FLT1: variants seen among roughly 807,000 people sequenced by gnomAD.
FLT1 encodes the protein vascular endothelial growth factor receptor 1.
A neutral mutation model predicts 156.3 loss-of-function variants in FLT1; 49 were observed. That is an observed-to-expected ratio of 0.31 (90% CI 0.25 to 0.40). FLT1 has a LOEUF of 0.40. Ranked by LOEUF, FLT1 falls within the 10% of genes least tolerant of loss-of-function variation. The probability of loss-of-function intolerance (pLI) is 1.00; values close to 1 mark genes in which losing one functional copy is unlikely to be tolerated. For synonymous variants in FLT1, 594 were observed against 583.8 expected (o/e 1.02, Z -0.25); for missense variants, 1,322 against 1,637.2 (o/e 0.81, Z 3.32).
At chr13:28,484,061 C>T (rs1263841887) in intron 1 of FLT1, among the ~76,000 whole-genome samples, 1 of 152,172 alleles carries the variant, frequency 6.6e-6, no homozygotes, top group Non-Finnish European at 1.5e-5. Flanking sequence ...CAGGTGTGCA[C>T]AGTAGGTGGC....
Position 28,312,105 on chromosome 13 carries a change from G to A in FLT1, c.3387-7C>T, listed in dbSNP as rs941789563. ...GTCCAGCATGATCTGATAGCTGGTG[G>A]GGAAAACAGCAACAGAAATAGTTGG... On this transcript the variant is annotated splice_region_variant and splice_polypyrimidine_tract_variant and intron_variant, in intron 25 of 29. Coordinates refer to ENST00000282397, the MANE Select transcript of FLT1 (RefSeq NM_002019.4). 6 of 1,569,498 alleles carry A rather than the reference G, an allele frequency of 3.8e-6. No homozygotes were observed. Among genetic ancestry groups the A allele is most frequent in the Middle Eastern group, 1.7e-4 (1 of 6,006 alleles).
At position 28,405,760 on chromosome 13, in the gene FLT1, C is replaced by T. The variant is rs368257925; in HGVS notation, c.1551+20G>A. On this transcript the variant is annotated intron_variant, in intron 11 of 29. Transcript: ENST00000282397. ...TATTTGTGGAATAAATATCCCAGTG[C>T]GCATTTTTACAAACAATACCTTATT... 1.8e-5 allele frequency: 22 copies of T among 1,237,918 alleles called. No homozygotes were observed. The highest frequency in any genetic ancestry group is 1.3e-4 in the African/African-American group (9 of 67,510). The allele number at this position is 1,237,918 out of a possible 1,614,324, so 76.7% of individuals were successfully genotyped here.
In FLT1 at chr13:28,303,276, C is replaced by T. The variant is rs752763228; in HGVS notation, c.3908G>A (p.Gly1303Asp). 8 of 1,613,914 alleles carry T rather than the reference C, an allele frequency of 5.0e-6. No homozygotes were observed. In the East Asian group the frequency reaches 1.8e-4, roughly 36 times the overall value. ...CHSSCGHVSE[G>D]KRRFTYDHAE... ...GTGGTCGTAGGTGAACCTGCGCTTG[C>T]CTTCGCTGACGTGCCCACAGCTGGA... The change falls in exon 30 of 30, where the codon GGC becomes GAC. Residue 1303 changes from glycine to aspartate, a missense_variant. This residue lies in a region of FLT1 where 329 missense variants were observed against 366.2 expected (regional missense o/e 0.90). Coordinates refer to ENST00000282397, the MANE Select transcript of FLT1 (RefSeq NM_002019.4).
Position 28,458,378 on chromosome 13 carries a change from C to T in FLT1, c.388+8525G>A, listed in dbSNP as rs190298103. On this transcript the variant is annotated intron_variant, in intron 3 of 29. Coordinates refer to ENST00000282397, the MANE Select transcript of FLT1 (RefSeq NM_002019.4). ...CTGATGATGTATAACTGCGTCGTTG[C>T]TAGTAAGTCTTAGCAATGTGGCTCT... 5.3e-5 allele frequency among the ~76,000 whole-genome samples: 8 copies of T among 152,266 alleles called. No individual in the cohort carries two copies. The East Asian group carries it at 1.5e-3, about 29-fold the overall frequency.
At chr13:28,455,811 T>C (rs1879229849) in intron 3 of FLT1, among the ~76,000 whole-genome samples, 2 of 152,200 alleles carry the variant, frequency 1.3e-5, no homozygotes, top group African/African-American at 4.8e-5. Flanking sequence ...AACAACTCTG[T>C]TTAAAATGGG....
chr13:28,477,099 C>G (rs1180548922), intron 1 of FLT1, among the ~76,000 whole-genome samples: 1 of 152,136 alleles, frequency 6.6e-6, no homozygotes, highest in Non-Finnish European at 1.5e-5. Flanking sequence ...GGAAAAAATG[C>G]TCTAATAACG....
intron 14 of FLT1, among the ~76,000 whole-genome samples, chr13:28,360,862 T>C (rs186598110): frequency 9.2e-5 from 14 of 152,334 alleles, no homozygotes; most frequent in African/African-American, 3.1e-4. Context: ...AAAGAAATGA[T>C]ATTTGAGCTG....
intron 1 of FLT1, among the ~76,000 whole-genome samples, chr13:28,470,760 A>G (rs632433): frequency 0.12 from 18,460 of 152,106 alleles, 1,448 homozygotes; most frequent in Admixed American, 0.2. Context: ...GCACAATCTC[A>G]GCTCACTGCA....
At chr13:28,303,475 G>T in intron 29 of FLT1, 107 bp from the exon 30 acceptor site, 2 of 903,522 alleles carry the variant, frequency 2.2e-6, no homozygotes, top group Non-Finnish European at 3.4e-6. Flanking sequence ...TACCTGTCTA[G>T]AGTTCATGGT....
intron 3 of FLT1, among the ~76,000 whole-genome samples, chr13:28,459,989 C>T (rs775394588): frequency 2.6e-5 from 4 of 152,202 alleles, no homozygotes; most frequent in Non-Finnish European, 4.4e-5. Context: ...CGGCAAGGCT[C>T]GGCGATGAAG....
chr13:28,363,145 T>C (rs1873171611), intron 14 of FLT1, among the ~76,000 whole-genome samples: 1 of 152,248 alleles, frequency 6.6e-6, no homozygotes, highest in Non-Finnish European at 1.5e-5. Flanking sequence ...TCACTTTATA[T>C]GACCCAAATC....
chr13:28,305,801 G>A (rs60345874), intron 29 of FLT1, among the ~76,000 whole-genome samples: 5 of 152,102 alleles, frequency 3.3e-5, no homozygotes, highest in Admixed American at 1.3e-4. Flanking sequence ...GCTTACCAGC[G>A]ATTGTCAGTG....
intron 1 of FLT1, among the ~76,000 whole-genome samples, chr13:28,482,902 G>C (rs756037483): frequency 3.4e-4 from 52 of 152,210 alleles, no homozygotes; most frequent in Non-Finnish European, 2.2e-4. Flanking sequence ...GACCAGTTTT[G>C]AAGACAGAGG....
Position 28,466,847 on chromosome 13 carries a change from T to C in FLT1, c.388+56A>G, listed in dbSNP as rs181853055. The stretch of plus-strand genomic sequence containing the variant: ...AACCTTTCCAATGGATCAGGGTAGA[T>C]TTATGACTCATTTGCAAAGCAAAAG... On this transcript the variant is annotated intron_variant, in intron 3 of 29. Transcript: ENST00000282397. 386 of 1,228,276 alleles carry C rather than the reference T, an allele frequency of 3.1e-4. 1 individual carries two copies. In the African/African-American group the frequency reaches 4.8e-3, roughly 15 times the overall value. The allele number at this position is 1,228,276 out of a possible 1,614,324, so 76.1% of individuals were successfully genotyped here.
intron 20 of FLT1, among the ~76,000 whole-genome samples, chr13:28,324,204 A>G (rs531856593): frequency 6.6e-6 from 1 of 152,296 alleles, no homozygotes; most frequent in South Asian, 2.1e-4. Context: ...TGGCTTTATA[A>G]CAAGACCATG....
At chr13:28,389,374 T>G in intron 13 of FLT1, 1 of 1,265,802 alleles carries the variant, frequency 7.9e-7, no homozygotes, top group Non-Finnish European at 9.9e-7. Context: ...GCTTCAACAC[T>G]TAAAAATAAA....
intron 19 of FLT1, 150 bp downstream of exon 19, chr13:28,329,465 T>G: frequency 1.5e-6 from 1 of 686,142 alleles, no homozygotes; most frequent in Non-Finnish European, 2.7e-6. Context: ...CTTCTGTAGA[T>G]GCACAAGCTG....
At chr13:28,460,507 C>T (rs1879506458) in intron 3 of FLT1, among the ~76,000 whole-genome samples, 2 of 152,020 alleles carry the variant, frequency 1.3e-5, no homozygotes, top group Non-Finnish European at 2.9e-5. Flanking sequence ...CTGGGCCAAG[C>T]CTCCGAGTGG....
intron 25 of FLT1, among the ~76,000 whole-genome samples, chr13:28,312,745 G>A (rs1871056127): frequency 6.6e-6 from 1 of 151,968 alleles, no homozygotes; most frequent in Admixed American, 6.6e-5. Context: ...TGGAGTTTCC[G>A]GGGCTGTGAG....
Sources: allele counts gnomAD v4.1 joint callset (sites outside exome capture counted in the v4.1 genomes callset), GRCh38; gene constraint gnomAD v4.1.1; regional missense constraint gnomAD v4.1.1; transcripts MANE v1.5; gene names NCBI Gene and HGNC (gene_info 2026-07-23, HGNC 2026-07-21).